Variants in BLTP3A observed in about 807,000 individuals in gnomAD.
The protein encoded by BLTP3A is bridge-like lipid transfer protein family member 3A.
the BLTP3A span, chr6:34,836,379 T>C: frequency 6.3e-7 from 1 of 1,599,906 alleles, no homozygotes; most frequent in Admixed American, 1.7e-5. Context: ...CTGGGCTGGG[T>C]GGTCCACGTC....
chr6:34,834,315 A>C, the BLTP3A span: 2 of 1,614,036 alleles, frequency 1.2e-6, no homozygotes, highest in Non-Finnish European at 1.7e-6. Context: ...GCTTCTTTTG[A>C]ATTGTGGCAG....
chr6:34,813,871 C>T, the BLTP3A span, among the ~76,000 whole-genome samples: 1 of 152,180 alleles, frequency 6.6e-6, no homozygotes, highest in African/African-American at 2.4e-5. Flanking sequence ...GAGCTATTTT[C>T]CCTCTCCAGG....
chr6:34,846,513 A>G, the BLTP3A span, among the ~76,000 whole-genome samples: 19 of 152,204 alleles, frequency 1.2e-4, no homozygotes, highest in African/African-American at 4.3e-4. Context: ...GTTTATTCCT[A>G]TAAACTTAGG....
the BLTP3A span, among the ~76,000 whole-genome samples, chr6:34,866,063 C>G: frequency 1.7e-4 from 26 of 152,138 alleles, no homozygotes; most frequent in East Asian, 4.8e-3. Context: ...TATATATTCA[C>G]CTTAGACAGC....
At chr6:34,801,792 G>C in the BLTP3A span, among the ~76,000 whole-genome samples, 269 of 152,080 alleles carry the variant, frequency 1.8e-3, 1 homozygote, top group African/African-American at 6.1e-3. Flanking sequence ...CGCCATCTCC[G>C]CTCACTGCAA....
chr6:34,798,594 C>CTTTCTTTTTTTTT, the BLTP3A span, among the ~76,000 whole-genome samples: 2 of 94,500 alleles, frequency 2.1e-5, no homozygotes, highest in Non-Finnish European at 4.0e-5. Flanking sequence ...TTCTTTCTTT[C>CTTTCTTTTTTTTT]TTTTTTTTTT....
chr6:34,815,241 G>GTGTTTGTTTGTTTGTT, the BLTP3A span, among the ~76,000 whole-genome samples: 8 of 151,518 alleles, frequency 5.3e-5, no homozygotes, highest in African/African-American at 1.9e-4. Flanking sequence ...AAATAAGTTG[G>GTGTTTGTTTGTTTGTT]TGTTTGTTTG....
the BLTP3A span, among the ~76,000 whole-genome samples, chr6:34,829,562 A>G: frequency 6.6e-6 from 1 of 151,922 alleles, no homozygotes; most frequent in Non-Finnish European, 1.5e-5. Flanking sequence ...ATTCTTCCTC[A>G]TTACTGTATA....
At chr6:34,792,560 C>T in the BLTP3A span, among the ~76,000 whole-genome samples, 1 of 152,204 alleles carries the variant, frequency 6.6e-6, no homozygotes, top group Non-Finnish European at 1.5e-5. Context: ...TAACAACCCC[C>T]TGGACTTTTT....
chr6:34,822,005 G>C, the BLTP3A span: 1 of 1,611,574 alleles, frequency 6.2e-7, no homozygotes, highest in Non-Finnish European at 8.5e-7. Context: ...GGCCAGGGTA[G>C]GCTTTTAGAA....
chr6:34,803,748 G>A, the BLTP3A span, among the ~76,000 whole-genome samples: 222 of 152,154 alleles, frequency 1.5e-3, no homozygotes, highest in African/African-American at 5.0e-3. Context: ...TGTGGGGAGC[G>A]TGGTATGTAT....
chr6:34,810,455 T>C, the BLTP3A span, among the ~76,000 whole-genome samples: 1 of 152,220 alleles, frequency 6.6e-6, no homozygotes, highest in South Asian at 2.1e-4. Context: ...CAGTATAGCG[T>C]GTACTACAGT....
chr6:34,818,033 T>C, the BLTP3A span, among the ~76,000 whole-genome samples: 1 of 151,990 alleles, frequency 6.6e-6, no homozygotes, highest in Non-Finnish European at 1.5e-5. Context: ...TTTTTTTTTG[T>C]ATTTTTAGTA....
At chr6:34,817,895 C>G in the BLTP3A span, among the ~76,000 whole-genome samples, 1 of 151,206 alleles carries the variant, frequency 6.6e-6, no homozygotes. Flanking sequence ...GCTCTGTCGC[C>G]CAGGCTGGAG....
At chr6:34,871,068 G>A in the BLTP3A span, 2 of 1,614,074 alleles carry the variant, frequency 1.2e-6, no homozygotes, top group East Asian at 2.2e-5. Context: ...AGATCCCGGT[G>A]GTAGTCCCCA....
At chr6:34,831,438 T>A in the BLTP3A span, among the ~76,000 whole-genome samples, 1 of 152,148 alleles carries the variant, frequency 6.6e-6, no homozygotes, top group African/African-American at 2.4e-5. Context: ...CACCCTTAAT[T>A]TTTTTTAAAT....
At chr6:34,864,522 CTTTTTT>C in the BLTP3A span, among the ~76,000 whole-genome samples, 8 of 109,454 alleles carry the variant, frequency 7.3e-5, no homozygotes, top group African/African-American at 2.1e-4. Context: ...TGCTTATAGT[CTTTTTT>C]TTTTTTTTTT....
chr6:34,848,357 A>G, the BLTP3A span, among the ~76,000 whole-genome samples: 1 of 151,932 alleles, frequency 6.6e-6, no homozygotes, highest in African/African-American at 2.4e-5. Flanking sequence ...TGTAATCCCA[A>G]CACTTTGGGA....
At chr6:34,875,939 G>A in the BLTP3A span, 2 of 152,700 alleles carry the variant, frequency 1.3e-5, no homozygotes, top group East Asian at 3.9e-4. Flanking sequence ...AATACCTCAA[G>A]AAAATGTCTG....
Sources: allele counts gnomAD v4.1 joint callset (sites outside exome capture counted in the v4.1 genomes callset), GRCh38; gene constraint gnomAD v4.1.1; transcripts MANE v1.5; gene names NCBI Gene and HGNC (gene_info 2026-07-23, HGNC 2026-07-21).